Variants in LOXL3 observed in about 807,000 individuals in gnomAD.
The protein encoded by LOXL3 is lysyl oxidase like 3.
In LOXL3, 60 loss-of-function variants were observed where a neutral mutation model predicts 91.8. The observed-to-expected ratio is 0.65, with a 90% CI of 0.53 to 0.81. The LOEUF (loss-of-function observed/expected upper bound fraction) is 0.81. Among genes scored for constraint, LOXL3 ranks in the 30% least tolerant of loss-of-function variants. LOXL3 has a pLI of 0.00. For missense variants in LOXL3, 874 were observed against 1,000.4 expected (o/e 0.87, Z 1.70); for synonymous variants, 355 against 387.6 (o/e 0.92, Z 0.99).
chr2:74,544,351 C>T (rs1676490970), intron 4 of LOXL3, among the ~76,000 whole-genome samples: 1 of 152,142 alleles, frequency 6.6e-6, no homozygotes, highest in Non-Finnish European at 1.5e-5. Context: ...ACATCAAAGG[C>T]TTCCCAATCC....
At position 74,549,230 on chromosome 2, in the gene LOXL3, C is replaced by T; in HGVS notation, c.692+139G>A. The T allele has an allele frequency of 1.0e-6, 1 of 958,430 alleles. No homozygotes were observed. The highest frequency in any genetic ancestry group is 1.5e-6 in the Non-Finnish European group (1 of 675,526). The allele number at this position is 958,430 out of a possible 1,614,324, so 59.4% of individuals were successfully genotyped here. A position where few individuals can be genotyped will look rare whatever the true frequency, so the allele number is the denominator to read the frequency against. On this transcript the variant is annotated intron_variant, in intron 4 of 13. Coordinates refer to ENST00000264094, the MANE Select transcript of LOXL3 (RefSeq NM_032603.5). The surrounding 1 kb of genome is among the most constrained non-coding windows in gnomAD (Gnocchi z 5.3). ...AAGATTTCCCAACTCTCCAGCTTTG[C>T]AACGGCCTCCATATTTTCCCGCGCG... is the stretch of plus-strand genomic sequence containing the variant.
At chr2:74,534,809 CT>C (rs776512650) in intron 9 of LOXL3, 35 bp from the exon 10 acceptor site, 62 of 1,596,270 alleles carry the variant, frequency 3.9e-5, no homozygotes, top group Non-Finnish European at 5.1e-5. Flanking sequence ...TTAGAAGTCA[CT>C]GCTGACTTCA....
At chr2:74,543,899 T>TAAAAAA (rs1352260802) in intron 4 of LOXL3, among the ~76,000 whole-genome samples, 2 of 49,336 alleles carry the variant, frequency 4.1e-5, no homozygotes, top group Non-Finnish European at 6.8e-5. Flanking sequence ...AGGCTCTGTC[T>TAAAAAA]CAAAAAAAAA....
upstream of LOXL3, chr2:74,554,159 CA>C (rs1173898924): frequency 6.5e-6 from 1 of 153,034 alleles, no homozygotes; most frequent in Non-Finnish European, 1.5e-5. The surrounding 1 kb of genome is among the most constrained non-coding windows in gnomAD (Gnocchi z 4.9). Context: ...CCGGCTCGTT[CA>C]ATGAAGCTTT....
intron 4 of LOXL3, among the ~76,000 whole-genome samples, chr2:74,538,515 G>A (rs1676148503): frequency 6.6e-6 from 1 of 152,218 alleles, no homozygotes; most frequent in African/African-American, 2.4e-5. Context: ...TTGAAGACAA[G>A]TTAGATGTAA....
intron 4 of LOXL3, among the ~76,000 whole-genome samples, chr2:74,542,369 C>T (rs1291835208): frequency 6.6e-6 from 1 of 152,066 alleles, no homozygotes; most frequent in Non-Finnish European, 1.5e-5. Context: ...ATTTGCATAT[C>T]CTCTTCTCAT....
rs1416439358 is a variant in LOXL3, at chr2:74,552,509, A to G, written c.126T>C (p.Leu42=). ...TGGGGAAGCCAGCCAGCCGGAACCG[A>G]AGCCCCTGGCTCCCGGCCTTCTTCT... The part of the protein sequence containing the change: ...GPEKKAGSQG[L]RFRLAGFPRK... The change falls in exon 2 of 14, where the codon CTT becomes CTC. Residue 42 remains leucine, a synonymous_variant. Transcript: ENST00000264094. 1.9e-6 allele frequency: 3 copies of G among 1,613,544 alleles called. No individual in the cohort carries two copies. Among genetic ancestry groups the G allele is most frequent in the Admixed American group, 3.3e-5 (2 of 60,000 alleles).
At chr2:74,552,146 A>G (rs564645402) in intron 2 of LOXL3, among the ~76,000 whole-genome samples, 176 bp downstream of exon 2, 1 of 152,304 alleles carries the variant, frequency 6.6e-6, no homozygotes, top group East Asian at 1.9e-4. Context: ...GACTAGCCTA[A>G]GGTCACACAG....
chr2:74,533,535 C>T lies in LOXL3; in HGVS notation c.*71G>A, dbSNP rs956004238. ...TTGCTGACATGGGTTTCTTGGTAAG[C>T]TCCTGAGGTAATGGCAGCCTCAGAC... On this transcript the variant is annotated 3_prime_UTR_variant, in exon 14 of 14. Coordinates refer to ENST00000264094, the MANE Select transcript of LOXL3 (RefSeq NM_032603.5). 5 of 1,401,240 alleles carry T rather than the reference C, an allele frequency of 3.6e-6. No homozygotes were observed. Among genetic ancestry groups the T allele is most frequent in the Non-Finnish European group, 5.0e-6 (5 of 994,928 alleles). The allele number at this position is 1,401,240 out of a possible 1,614,324, so 86.8% of individuals were successfully genotyped here.
At chr2:74,547,581 C>A (rs537856752) in intron 4 of LOXL3, among the ~76,000 whole-genome samples, 1 of 151,662 alleles carries the variant, frequency 6.6e-6, no homozygotes, top group East Asian at 1.9e-4. Flanking sequence ...GTCCTCAGTA[C>A]TGAAAGACAT....
intron 4 of LOXL3, among the ~76,000 whole-genome samples, chr2:74,537,532 G>C (rs569490226): frequency 6.6e-6 from 1 of 152,232 alleles, no homozygotes; most frequent in Admixed American, 6.5e-5. Flanking sequence ...ACTGGCATAT[G>C]CAAGAATGAA....
At chr2:74,553,053 A>G (rs1165727577) in intron 1 of LOXL3, 1 of 181,780 alleles carries the variant, frequency 5.5e-6, no homozygotes, top group Admixed American at 5.8e-5. Flanking sequence ...AACGGATAGA[A>G]AGTGATAGGC....
rs1442320525 is a variant in LOXL3 at position 74,536,655 on chromosome 2, G to A, written c.912+54C>T. On this transcript the variant is annotated intron_variant, in intron 5 of 13. Coordinates refer to ENST00000264094, the MANE Select transcript of LOXL3 (RefSeq NM_032603.5). This position sits in a 1 kb window ranked among gnomAD's most constrained non-coding sequence, Gnocchi z 4.5. ...GGCTGTGCTTAGTCTGGGGTTGCCA[G>A]GCTAGGGGTTCTCCACCTGGGGTGG... 29 of 1,583,794 alleles carry A rather than the reference G, an allele frequency of 1.8e-5. No individual in the cohort carries two copies. Among genetic ancestry groups the A allele is most frequent in the Non-Finnish European group, 1.3e-5 (15 of 1,155,962 alleles).
In LOXL3 at chr2:74,536,892, C is replaced by G; in HGVS notation, c.729G>C (p.Leu243=). 5 of 1,614,222 alleles carry G rather than the reference C, an allele frequency of 3.1e-6. No homozygotes were observed. In the South Asian group the frequency reaches 5.5e-5, roughly 18 times the overall value. ...LAQRQQHSFG[L]HGVACVGTEA... is the part of the protein sequence containing the mutation. ...CCGTGCCCACGCACGCCACCCCATG[C>G]AGACCAAAGGAGTGTTGCTGCCGTT... Residue 243 remains leucine, a synonymous_variant, in exon 5 of 14, where the codon CTG becomes CTC. Transcript: ENST00000264094. This position sits in a 1 kb window ranked among gnomAD's most constrained non-coding sequence, Gnocchi z 4.5.
rs1675885606 is a variant in LOXL3 at position 74,534,663 on chromosome 2, G to A, written c.1691C>T (p.Ser564Leu). 1.9e-6 allele frequency: 3 copies of A among 1,614,202 alleles called. No homozygotes were observed. The East Asian group carries it at 6.7e-5, about 36-fold the overall frequency. ...CAAEENCLASSARSANWPYGH... is the reference protein window; with the variant it reads ...CAAEENCLASLARSANWPYGH... ...ATAGGGCCAGTTGGCTGAGCGGGCTGAGCTGGCCAGGCAGTTCTCTTCCGC... is the reference window on the plus strand; with the variant it reads ...ATAGGGCCAGTTGGCTGAGCGGGCTAAGCTGGCCAGGCAGTTCTCTTCCGC... The change falls in exon 10 of 14, where the codon TCA (serine) becomes TTA (leucine). Residue 564 changes from serine to leucine, a missense_variant. Transcript: ENST00000264094.
Position 74,536,808 on chromosome 2 carries a change from G to C in LOXL3, c.813C>G (p.Cys271Trp). The C allele has an allele frequency of 1.2e-6, 2 of 1,614,244 alleles. No individual in the cohort carries two copies. Among genetic ancestry groups the C allele is most frequent in the East Asian group, 4.5e-5 (2 of 44,884 alleles). Residue 271 changes from cysteine (C) to tryptophan (W), a missense_variant, in exon 5 of 14, where the codon TGC (cysteine) becomes TGG (tryptophan). Physicochemically the swap from Cys to Trp is radical, Grantham distance 215. Coordinates refer to ENST00000264094, the MANE Select transcript of LOXL3 (RefSeq NM_032603.5). This position sits in a 1 kb window ranked among gnomAD's most constrained non-coding sequence, Gnocchi z 4.5. ...TCACCACTGCAGGGCCCCCCCCAGG[G>C]CACCTGGCGGTGTCATTGGCACGAT... ...EFYRANDTARCPGGGPAVVSC... is the reference protein window; with the variant it reads ...EFYRANDTARWPGGGPAVVSC...
At position 74,552,319 on chromosome 2, in the gene LOXL3, C is replaced by A; in HGVS notation, c.313+3G>T. The A allele has an allele frequency of 6.3e-7, 1 of 1,594,518 alleles. No individual in the cohort carries two copies. The highest frequency in any genetic ancestry group is 1.7e-4 in the Middle Eastern group (1 of 5,900). On this transcript the variant is annotated splice_donor_region_variant and intron_variant, in intron 2 of 13. Transcript: ENST00000264094. ...TCTAGGATATGCCTGGATCATTGCT[C>A]ACCTGTTCCAGGGCCATATTTGGCA...
At chr2:74,545,886 A>G (rs931230844) in intron 4 of LOXL3, among the ~76,000 whole-genome samples, 2 of 152,208 alleles carry the variant, frequency 1.3e-5, no homozygotes, top group South Asian at 4.1e-4. Flanking sequence ...CCAGAGTCCT[A>G]TATTAAATTA....
chr2:74,553,664 G>A (rs2104458557), intron 1 of LOXL3, among the ~76,000 whole-genome samples: 1 of 152,318 alleles, frequency 6.6e-6, no homozygotes. Context: ...CCCTTAGGGC[G>A]CTCCTGGCGG....
Sources: allele counts gnomAD v4.1 joint callset (sites outside exome capture counted in the v4.1 genomes callset), GRCh38; gene constraint gnomAD v4.1.1; non-coding constraint Gnocchi (gnomAD v3.1); transcripts MANE v1.5; gene names NCBI Gene and HGNC (gene_info 2026-07-23, HGNC 2026-07-21).